RBM14: variants seen among roughly 807,000 people sequenced by gnomAD.
RBM14 encodes the protein RNA binding motif protein 14, also known as RNA-binding protein 14.
A neutral mutation model predicts 52.8 loss-of-function variants in RBM14; 5 were observed. That is an observed-to-expected ratio of 0.09 (90% CI 0.05 to 0.20). RBM14 has a LOEUF of 0.20. RBM14 is among the 10% of genes least tolerant of loss of function. The probability of loss-of-function intolerance (pLI) is 1.00; values close to 1 mark genes in which losing one functional copy is unlikely to be tolerated. For synonymous variants in RBM14, 411 were observed against 401.8 expected (o/e 1.02, Z -0.28); for missense variants, 780 against 926.6 (o/e 0.84, Z 2.05).
rs1469658472 is a variant in RBM14 at position 66,616,891 on chromosome 11, C to A, written c.171C>A (p.Gly57=). ...TGCGCGCCATCGAAGCCCTGCACGG[C>A]CACGAGCTGCGGCCGGGGCGCGCGC... The part of the protein sequence containing the change: ...GALRAIEALH[G]HELRPGRALV... Residue 57 remains glycine, a synonymous_variant, in exon 1 of 3, where the codon GGC becomes GGA. Transcript: ENST00000310137. 2 of 1,611,812 alleles carry A rather than the reference C, an allele frequency of 1.2e-6. No individual in the cohort carries two copies. The highest frequency in any genetic ancestry group is 1.7e-6 in the Non-Finnish European group (2 of 1,179,190).
At chr11:66,617,508 G>C in intron 1 of RBM14, 1 of 1,001,102 alleles carries the variant, frequency 1.0e-6, no homozygotes, top group Non-Finnish European at 1.2e-6. Flanking sequence ...ACGCCCCAAG[G>C]CCGCCCTCCT....
rs1419005613 is a variant in RBM14 at position 66,626,508 on chromosome 11, T to C, written c.1850T>C (p.Leu617Ser). The C allele has an allele frequency of 1.2e-6, 2 of 1,613,988 alleles. No homozygotes were observed. Among genetic ancestry groups the C allele is most frequent in the Non-Finnish European group, 1.7e-6 (2 of 1,180,020 alleles). ...GCCGAGCTCTCTGATTACCGCCGTT[T>C]ATCAGAGTCGCAGCTTTCGTTCCGC... ...RLAELSDYRR[L>S]SESQLSFRRS... Residue 617 changes from leucine to serine, a missense_variant, in exon 3 of 3, where the codon TTA (leucine) becomes TCA (serine). Physicochemically the swap from Leu to Ser is moderately radical, Grantham distance 145 (BLOSUM62 -2). Coordinates refer to ENST00000310137, the MANE Select transcript of RBM14 (RefSeq NM_006328.4).
At position 66,626,534 on chromosome 11, in the gene RBM14, C is replaced by T. The variant is rs747977323; in HGVS notation, c.1876C>T (p.Arg626Cys). 16 of 1,613,882 alleles carry T rather than the reference C, an allele frequency of 9.9e-6. No individual in the cohort carries two copies. Among genetic ancestry groups the T allele is most frequent in the Non-Finnish European group, 1.4e-5 (16 of 1,180,038 alleles). Residue 626 changes from arginine (R) to cysteine (C), a missense_variant, in exon 3 of 3, where the codon CGC becomes TGC. This residue lies in a region of RBM14 where 675 missense variants were observed against 697.3 expected (regional missense o/e 0.97). Transcript: ENST00000310137. ...ATCAGAGTCGCAGCTTTCGTTCCGCCGCTCGCCGACAAAGTCCTCGCTGGA... is the reference window on the plus strand; with the variant it reads ...ATCAGAGTCGCAGCTTTCGTTCCGCTGCTCGCCGACAAAGTCCTCGCTGGA... The part of the protein sequence containing the change: ...RLSESQLSFR[R>C]SPTKSSLDYR...
intron 1 of RBM14, chr11:66,619,576 T>C (rs1430720836): frequency 1.3e-5 from 2 of 151,914 alleles, no homozygotes; most frequent in Non-Finnish European, 2.9e-5. Flanking sequence ...TTTTCTTTTT[T>C]TTTTTTTTTA....
intron 1 of RBM14, among the ~76,000 whole-genome samples, chr11:66,622,249 T>TG (rs1285422780): frequency 6.6e-6 from 1 of 150,620 alleles, no homozygotes; most frequent in African/African-American, 2.4e-5. Context: ...TTTTTTTTTT[T>TG]GAAATGGAGT....
intron 1 of RBM14, chr11:66,617,627 T>C: frequency 1.1e-6 from 1 of 938,480 alleles, no homozygotes; most frequent in African/African-American, 1.8e-5. Flanking sequence ...TGGGCACAGT[T>C]ACACGTGGGT....
At chr11:66,618,577 CT>C in intron 1 of RBM14, 1 of 717,244 alleles carries the variant, frequency 1.4e-6, no homozygotes, top group Non-Finnish European at 2.6e-6. Flanking sequence ...TGGATTTTTG[CT>C]TTTGTTTAGA....
In RBM14 at chr11:66,628,957, T is replaced by G. The variant is rs1937934046; in HGVS notation, c.*2289T>G. Among the ~76,000 whole-genome samples, 1 of 152,194 alleles carries G rather than the reference T, an allele frequency of 6.6e-6. No individual in the cohort carries two copies. The highest frequency in any genetic ancestry group is 2.1e-4 in the South Asian group (1 of 4,826). On this transcript the variant is annotated 3_prime_UTR_variant, in exon 3 of 3. Transcript: ENST00000310137. ...AAAGTGACCTGGCCCAGATGAGCTC[T>G]GCCTGCTTGTCATCTTTAGGTCCTG...
chr11:66,626,430 C>G (rs772870294), intron 2 of RBM14, 31 bp from the exon 3 acceptor site: 41 of 1,588,452 alleles, frequency 2.6e-5, no homozygotes, highest in Non-Finnish European at 3.5e-5. Flanking sequence ...TCAATTGTCT[C>G]ATTCACCAAC....
chr11:66,626,715 T>A lies in RBM14; in HGVS notation c.*47T>A. The stretch of plus-strand genomic sequence containing the variant: ...CACAGGGAGGGAGGGAGAAAAGAGG[T>A]GGGTAGGGTTACAGATCCAGGTTAT... On this transcript the variant is annotated 3_prime_UTR_variant, in exon 3 of 3. Coordinates refer to ENST00000310137, the MANE Select transcript of RBM14 (RefSeq NM_006328.4). 1 of 1,506,352 alleles carries A rather than the reference T, an allele frequency of 6.6e-7. No homozygotes were observed. Among genetic ancestry groups the A allele is most frequent in the Non-Finnish European group, 9.0e-7 (1 of 1,115,518 alleles). The allele number at this position is 1,506,352 out of a possible 1,614,324, so 93.3% of individuals were successfully genotyped here. A position where few individuals can be genotyped will look rare whatever the true frequency, so the allele number is the denominator to read the frequency against.
In RBM14 at chr11:66,629,173, A is replaced by G. The variant is rs531855647; in HGVS notation, c.*2505A>G. 1.3e-5 allele frequency among the ~76,000 whole-genome samples: 2 copies of G among 152,330 alleles called. No homozygotes were observed. Among genetic ancestry groups the G allele is most frequent in the South Asian group, 2.1e-4 (1 of 4,826 alleles). On this transcript the variant is annotated 3_prime_UTR_variant, in exon 3 of 3. Transcript: ENST00000310137. ...TTGTGGATTACTGATTTCAAGTTCT[A>G]TAACTTGGGGAAAGTTAGGTTGAGT... is the stretch of plus-strand genomic sequence containing the variant.
At position 66,625,239 on chromosome 11, in the gene RBM14, A is replaced by G. The variant is rs768206165; in HGVS notation, c.1363A>G (p.Thr455Ala). 5.3e-5 allele frequency: 86 copies of G among 1,610,410 alleles called. No homozygotes were observed. Among genetic ancestry groups the G allele is most frequent in the Non-Finnish European group, 7.0e-5 (83 of 1,179,350 alleles). ...AGCAGCCTACGCCGCACAAGCCACT[A>G]CCCCAATGGCTGGCTCCTATGGGGC... is the stretch of plus-strand genomic sequence containing the variant. The part of the protein sequence containing the change: ...QPAAYAAQAT[T>A]PMAGSYGAQP... The change falls in exon 2 of 3, where the codon ACC (threonine) becomes GCC (alanine). Residue 455 changes from threonine to alanine, a missense_variant. Thr to Ala is a moderately conservative substitution (Grantham distance 58). Transcript: ENST00000310137. The surrounding 1 kb of genome is among the most constrained non-coding windows in gnomAD (Gnocchi z 4.2).
chr11:66,624,391 A>C lies in RBM14; in HGVS notation c.515A>C (p.Asp172Ala). Residue 172 changes from aspartate to alanine, a missense_variant, in exon 2 of 3, where the codon GAT becomes GCT. By Grantham distance (126) the Asp-to-Ala change is moderately radical. This residue lies in a region of RBM14 where 675 missense variants were observed against 697.3 expected (regional missense o/e 0.97). Coordinates refer to ENST00000310137, the MANE Select transcript of RBM14 (RefSeq NM_006328.4). This position sits in a 1 kb window ranked among gnomAD's most constrained non-coding sequence, Gnocchi z 4.7. ...GDKTKKPGAG[D>A]TAFPGTGGFS... ...AAGACCAAGAAACCAGGGGCTGGGG[A>C]TACGGCCTTCCCTGGAACTGGTGGC... The C allele has an allele frequency of 6.2e-7, 1 of 1,614,094 alleles. No individual in the cohort carries two copies. Among genetic ancestry groups the C allele is most frequent in the Non-Finnish European group, 8.5e-7 (1 of 1,179,982 alleles).
Position 66,623,848 on chromosome 11 carries a change from TGA to T in RBM14, c.338-364_338-363del. ...GTTTGGGTTGAGAACACTGAAGAAC[TGA>T]GTGATCTAGGAACGCTTTCTGCATT... On this transcript the variant is annotated intron_variant, in intron 1 of 2. Transcript: ENST00000310137. 3 of 716,942 alleles carry T rather than the reference TGA, an allele frequency of 4.2e-6. No homozygotes were observed. In the Admixed American group the frequency reaches 6.0e-5, roughly 14 times the overall value. 44.4% of individuals were successfully genotyped at this position (716,942 alleles called of 1,614,324 possible).
chr11:66,617,631 C>T, intron 1 of RBM14: 1 of 934,208 alleles, frequency 1.1e-6, no homozygotes, highest in Non-Finnish European at 1.3e-6. Flanking sequence ...CACAGTTACA[C>T]GTGGGTACGA....
intron 1 of RBM14, chr11:66,617,622 A>G: frequency 3.2e-6 from 3 of 949,882 alleles, no homozygotes; most frequent in Non-Finnish European, 3.8e-6. Context: ...ACTCATGGGC[A>G]CAGTTACACG....
chr11:66,617,250 TAGG>T lies in RBM14; in HGVS notation c.337+198_337+200del, dbSNP rs1858880789. 8 of 1,394,342 alleles carry T rather than the reference TAGG, an allele frequency of 5.7e-6. No individual in the cohort carries two copies. The African/African-American group carries it at 1.2e-4, about 20-fold the overall frequency. 86.4% of individuals were successfully genotyped at this position (1,394,342 alleles called of 1,614,324 possible). Reference sequence around the variant, plus strand: ...TGCGGTCCAGGAACCGTCCACCAAGTAGGAGGAAGCGGCTCTGGGTGGGTGCGG... The same window carrying T: ...TGCGGTCCAGGAACCGTCCACCAAGTAGGAAGCGGCTCTGGGTGGGTGCGG... On this transcript the variant is annotated intron_variant, in intron 1 of 2. Coordinates refer to ENST00000310137, the MANE Select transcript of RBM14 (RefSeq NM_006328.4).
At position 66,625,410 on chromosome 11, in the gene RBM14, C is replaced by T; in HGVS notation, c.1534C>T (p.Leu512=). ...AAYGAQPSAT[L]AAPYRTQSSA... ...CTACGGGGCCCAACCTTCTGCCACC[C>T]TGGCAGCTCCTTACCGCACTCAGTC... is the stretch of plus-strand genomic sequence containing the variant. Residue 512 remains leucine, a synonymous_variant, in exon 2 of 3, where the codon CTG becomes TTG. Coordinates refer to ENST00000310137, the MANE Select transcript of RBM14 (RefSeq NM_006328.4). The surrounding 1 kb of genome is among the most constrained non-coding windows in gnomAD (Gnocchi z 4.2). 4 of 1,613,692 alleles carry T rather than the reference C, an allele frequency of 2.5e-6. No homozygotes were observed. Among genetic ancestry groups the T allele is most frequent in the Non-Finnish European group, 3.4e-6 (4 of 1,179,956 alleles).
Position 66,625,768 on chromosome 11 carries a change from C to T in RBM14, c.1802+90C>T, listed in dbSNP as rs1278186202. On this transcript the variant is annotated intron_variant, in intron 2 of 2. Coordinates refer to ENST00000310137, the MANE Select transcript of RBM14 (RefSeq NM_006328.4). The surrounding 1 kb of genome is among the most constrained non-coding windows in gnomAD (Gnocchi z 4.2). Reference sequence around the variant, plus strand: ...GGGAGGGAAACTGGAGGCATCGGCCCCTCCCTCGGTCTTCTCTTCTCTATT... The same window carrying T: ...GGGAGGGAAACTGGAGGCATCGGCCTCTCCCTCGGTCTTCTCTTCTCTATT... 4 of 1,004,836 alleles carry T rather than the reference C, an allele frequency of 4.0e-6. No individual in the cohort carries two copies. The highest frequency in any genetic ancestry group is 5.3e-5 in the Admixed American group (2 of 37,622). The allele number at this position is 1,004,836 out of a possible 1,614,324, so 62.2% of individuals were successfully genotyped here.
Sources: allele counts gnomAD v4.1 joint callset (sites outside exome capture counted in the v4.1 genomes callset), GRCh38; gene constraint gnomAD v4.1.1; regional missense constraint gnomAD v4.1.1; non-coding constraint Gnocchi (gnomAD v3.1); transcripts MANE v1.5; gene names NCBI Gene and HGNC (gene_info 2026-07-23, HGNC 2026-07-21).